Variants in CTNNA3 observed in about 807,000 individuals in gnomAD.
CTNNA3 encodes catenin alpha-3.
A neutral mutation model predicts 95.7 loss-of-function variants in CTNNA3; 76 were observed. The ratio of observed to expected loss-of-function variants is 0.79; its 90% confidence interval spans 0.66 to 0.96. The LOEUF (loss-of-function observed/expected upper bound fraction) is 0.96, where lower values mean the gene tolerates loss of function less well. Among genes scored for constraint, CTNNA3 ranks in the 40% least tolerant of loss-of-function variants. The probability of loss-of-function intolerance (pLI) is 0.00; values close to 1 mark genes in which losing one functional copy is unlikely to be tolerated. For synonymous variants in CTNNA3, 431 were observed against 374.4 expected, an observed-to-expected ratio of 1.15 and a Z score of -1.74; for missense variants, 1,191 against 1,089.8, an observed-to-expected ratio of 1.09 and a Z score of -1.31.
At chr10:67,070,968 A>G (rs1856417302) in intron 7 of CTNNA3, among the ~76,000 whole-genome samples, 5 of 152,186 alleles carry the variant, frequency 3.3e-5, no homozygotes, top group African/African-American at 7.2e-5. Flanking sequence ...TACCTGAGGA[A>G]TTGCAACATG....
In CTNNA3 at chr10:65,966,717, C is replaced by T; in HGVS notation, c.2295G>A (p.Leu765=). The part of the protein sequence containing the change: ...QCPDPSCKQD[L]LAYLEQIKFY... ...ACTTAATCTGTTCCAGGTAGGCCAA[C>T]AAGTCCTGTTTACAAGATGGATCTG... Residue 765 remains leucine (L), a synonymous_variant, in exon 17 of 18, where the codon TTG becomes TTA. Coordinates refer to ENST00000433211, the MANE Select transcript of CTNNA3 (RefSeq NM_013266.4). 6.2e-7 allele frequency: 1 copy of T among 1,612,740 alleles called. No individual in the cohort carries two copies. The highest frequency in any genetic ancestry group is 8.5e-7 in the Non-Finnish European group (1 of 1,179,032).
intron 17 of CTNNA3, among the ~76,000 whole-genome samples, chr10:65,950,896 T>C (rs544324019): frequency 3.3e-5 from 5 of 152,198 alleles, no homozygotes; most frequent in African/African-American, 9.6e-5. Context: ...GGTTTGTGTG[T>C]GTGTGCTTCA....
intron 15 of CTNNA3, among the ~76,000 whole-genome samples, chr10:66,065,650 A>T (rs531780643): frequency 6.6e-6 from 1 of 152,214 alleles, no homozygotes; most frequent in South Asian, 2.1e-4. Context: ...TTTTCTTATT[A>T]ACACTTGAAT....
chr10:66,835,888 G>A (rs1319807144), intron 7 of CTNNA3, among the ~76,000 whole-genome samples: 1 of 152,086 alleles, frequency 6.6e-6, no homozygotes, highest in East Asian at 1.9e-4. Flanking sequence ...GATTTAGTAG[G>A]CTAGCGGGTG....
intron 11 of CTNNA3, among the ~76,000 whole-genome samples, chr10:66,473,840 T>G (rs1024651904): frequency 6.6e-6 from 1 of 152,124 alleles, no homozygotes; most frequent in South Asian, 2.1e-4. Flanking sequence ...ACAAAGGACA[T>G]GAACTCATCA....
Position 66,685,321 on chromosome 10 carries a change from G to GTATATATATATA in CTNNA3, c.1282-63538_1282-63537insTATATATATATA, listed in dbSNP as rs1564617397. Among the ~76,000 whole-genome samples the GTATATATATATA allele has an allele frequency of 1.6e-3, 35 of 21,962 alleles. 1 individual carries two copies. Among genetic ancestry groups the GTATATATATATA allele is most frequent in the Non-Finnish European group, 2.1e-3 (25 of 12,188 alleles). 14.4% of individuals were successfully genotyped at this position (21,962 alleles called of 152,430 possible). A position where few individuals can be genotyped will look rare whatever the true frequency, so the allele number is the denominator to read the frequency against. The stretch of plus-strand genomic sequence containing the variant: ...TGTGTATATATATGTGTGTGTGTAT[G>GTATATATATATA]TGTGTATATATATATATATATATAT... On this transcript the variant is annotated intron_variant, in intron 9 of 17. Transcript: ENST00000433211.
intron 7 of CTNNA3, among the ~76,000 whole-genome samples, chr10:66,884,244 G>A (rs1844957233): frequency 6.6e-6 from 1 of 152,024 alleles, no homozygotes; most frequent in Non-Finnish European, 1.5e-5. Context: ...GTTTAAAGGG[G>A]AAAAAACACC....
At chr10:67,332,341 GA>G (rs1841826265) in intron 5 of CTNNA3, among the ~76,000 whole-genome samples, 1 of 152,090 alleles carries the variant, frequency 6.6e-6, no homozygotes, top group Non-Finnish European at 1.5e-5. Context: ...CTGAATTTGG[GA>G]ACCTAAATGG....
chr10:66,156,066 A>G (rs1275933044), intron 13 of CTNNA3, among the ~76,000 whole-genome samples: 1 of 151,960 alleles, frequency 6.6e-6, no homozygotes, highest in Non-Finnish European at 1.5e-5. Flanking sequence ...ATGCTATACC[A>G]TTACACATCC....
intron 13 of CTNNA3, among the ~76,000 whole-genome samples, chr10:66,158,267 G>C (rs2084651903): frequency 6.6e-6 from 1 of 152,084 alleles, no homozygotes; most frequent in Admixed American, 6.6e-5. Context: ...TTTTTCCGAT[G>C]TTATCTTCTA....
chr10:66,691,364 A>G (rs1308633071), intron 9 of CTNNA3, among the ~76,000 whole-genome samples: 2 of 152,196 alleles, frequency 1.3e-5, no homozygotes, highest in Non-Finnish European at 2.9e-5. Flanking sequence ...TTGCTGGCAC[A>G]GCAGACTGAG....
chr10:66,836,229 T>C (rs1416133158), intron 7 of CTNNA3, among the ~76,000 whole-genome samples: 2 of 152,172 alleles, frequency 1.3e-5, no homozygotes, highest in Non-Finnish European at 2.9e-5. Flanking sequence ...TGCAGCTCTG[T>C]AGCCACTCCA....
chr10:66,388,066 C>A (rs143254419), intron 11 of CTNNA3, among the ~76,000 whole-genome samples: 9,842 of 152,032 alleles, frequency 0.065, 516 homozygotes, highest in East Asian at 0.23. Context: ...ACATGTTGTG[C>A]ACATGTACCC....
At chr10:66,200,519 T>C (rs1477741881) in intron 13 of CTNNA3, among the ~76,000 whole-genome samples, 1 of 152,162 alleles carries the variant, frequency 6.6e-6, no homozygotes. Flanking sequence ...CTAGCCAGTT[T>C]TGGAATGATG....
chr10:66,869,320 G>C (rs1000044250), intron 7 of CTNNA3, among the ~76,000 whole-genome samples: 9 of 152,144 alleles, frequency 5.9e-5, no homozygotes, highest in African/African-American at 1.7e-4. Flanking sequence ...GGCTGGGTGT[G>C]GTGGTCACAC....
chr10:66,183,932 T>A (rs1398528777), intron 13 of CTNNA3, among the ~76,000 whole-genome samples: 1 of 152,194 alleles, frequency 6.6e-6, no homozygotes, highest in East Asian at 1.9e-4. Context: ...GGTGTTTTTT[T>A]AATATATTCT....
chr10:66,933,636 G>C (rs1203484059), intron 7 of CTNNA3, among the ~76,000 whole-genome samples: 1 of 152,136 alleles, frequency 6.6e-6, no homozygotes, highest in East Asian at 1.9e-4. Flanking sequence ...GGCCACTCCA[G>C]TGGAAGACTG....
At chr10:67,406,247 T>G (rs1229558216) in intron 5 of CTNNA3, among the ~76,000 whole-genome samples, 1 of 152,204 alleles carries the variant, frequency 6.6e-6, no homozygotes, top group Non-Finnish European at 1.5e-5. Context: ...TTACCCAGCC[T>G]GGGGTATTTC....
intron 11 of CTNNA3, among the ~76,000 whole-genome samples, chr10:66,505,179 G>A (rs1393519882): frequency 1.3e-5 from 2 of 152,094 alleles, no homozygotes; most frequent in African/African-American, 2.4e-5. Context: ...TCAAATGAAA[G>A]CACCTTAAGT....
Sources: allele counts gnomAD v4.1 joint callset (sites outside exome capture counted in the v4.1 genomes callset), GRCh38; gene constraint gnomAD v4.1.1; transcripts MANE v1.5; gene names NCBI Gene and HGNC (gene_info 2026-07-23, HGNC 2026-07-21).